Variants in GPC5 observed in about 807,000 individuals in gnomAD.
The protein encoded by GPC5 is glypican-5.
GPC5 carries 47 observed loss-of-function variants against 53.9 expected under a neutral mutation model. That is an observed-to-expected ratio of 0.87 (90% confidence interval 0.69 to 1.11). The LOEUF (loss-of-function observed/expected upper bound fraction) is 1.11, where lower values mean the gene tolerates loss of function less well. Among genes scored for constraint, GPC5 ranks in the 50% most tolerant of loss-of-function variants. The probability of loss-of-function intolerance (pLI) is 0.00; values close to 1 mark genes in which losing one functional copy is unlikely to be tolerated. For missense variants in GPC5, 748 were observed against 713.1 expected, an observed-to-expected ratio of 1.05 and a Z score of -0.56; for synonymous variants, 286 against 263.3, an observed-to-expected ratio of 1.09 and a Z score of -0.84.
intron 5 of GPC5, among the ~76,000 whole-genome samples, chr13:91,873,498 A>G (rs542061332): frequency 6.6e-6 from 1 of 152,214 alleles, no homozygotes; most frequent in African/African-American, 2.4e-5. Context: ...ATGATAGTGA[A>G]TAAGTCTCAC....
chr13:92,752,023 C>T (rs1419396948), intron 7 of GPC5, among the ~76,000 whole-genome samples: 3 of 151,636 alleles, frequency 2.0e-5, no homozygotes, highest in African/African-American at 4.9e-5. Context: ...TTTTAATTTG[C>T]CACTTTGCTT....
chr13:91,588,438 A>T (rs183331110), intron 2 of GPC5, among the ~76,000 whole-genome samples: 1 of 152,122 alleles, frequency 6.6e-6, no homozygotes, highest in East Asian at 1.9e-4. Context: ...CTCATTTTGC[A>T]TTGCTGAGTA....
At chr13:91,512,444 C>T (rs1885282970) in intron 2 of GPC5, among the ~76,000 whole-genome samples, 1 of 152,222 alleles carries the variant, frequency 6.6e-6, no homozygotes, top group South Asian at 2.1e-4. Flanking sequence ...ATTTGTAGAG[C>T]AGCTCCTGTG....
chr13:91,725,437 T>C (rs544031920), intron 3 of GPC5, among the ~76,000 whole-genome samples: 1 of 152,320 alleles, frequency 6.6e-6, no homozygotes, highest in South Asian at 2.1e-4. Flanking sequence ...TCTAGGGAGC[T>C]GAGGTGACAG....
chr13:92,724,379 T>C lies in GPC5; in HGVS notation c.1562-141903T>C, dbSNP rs116116182. Among the ~76,000 whole-genome samples the C allele has an allele frequency of 8.8e-3, 1,334 of 151,778 alleles. 20 individuals carry two copies. Among genetic ancestry groups the C allele is most frequent in the African/African-American group, 0.03 (1,266 of 41,516 alleles). On this transcript the variant is annotated intron_variant, in intron 7 of 7. Coordinates refer to ENST00000377067, the MANE Select transcript of GPC5 (RefSeq NM_004466.6). The stretch of plus-strand genomic sequence containing the variant: ...CCTTCTTTATCATGTTAGAACATTA[T>C]ACTTTCCATACATGTTAGAATGCAT...
At chr13:92,319,328 C>T (rs1047123048) in intron 7 of GPC5, among the ~76,000 whole-genome samples, 3 of 147,766 alleles carry the variant, frequency 2.0e-5, no homozygotes, top group Non-Finnish European at 3.0e-5. Context: ...CCTATAAAAA[C>T]ATCAGGAATC....
chr13:91,905,287 TTCTC>T (rs1057316318), intron 5 of GPC5, among the ~76,000 whole-genome samples: 71 of 151,908 alleles, frequency 4.7e-4, no homozygotes, highest in African/African-American at 1.5e-3. Flanking sequence ...GTTACTCTCT[TTCTC>T]TCTCTATCTC....
intron 7 of GPC5, among the ~76,000 whole-genome samples, chr13:92,381,902 T>TATATATC (rs1413329412): frequency 7.4e-6 from 1 of 135,808 alleles, no homozygotes; most frequent in Non-Finnish European, 1.6e-5. Flanking sequence ...TATATAATCA[T>TATATATC]ATATATGATA....
At chr13:92,346,924 A>C (rs553879919) in intron 7 of GPC5, among the ~76,000 whole-genome samples, 3 of 152,302 alleles carry the variant, frequency 2.0e-5, no homozygotes, top group African/African-American at 7.2e-5. Flanking sequence ...GATTCAACAG[A>C]AGATGTGATT....
intron 7 of GPC5, among the ~76,000 whole-genome samples, chr13:92,559,661 A>C (rs148827911): frequency 3.3e-5 from 5 of 151,632 alleles, no homozygotes; most frequent in African/African-American, 1.2e-4. Flanking sequence ...CATTATTCAA[A>C]CTAGCTAGTC....
At chr13:91,817,626 T>C (rs1238200167) in intron 5 of GPC5, among the ~76,000 whole-genome samples, 2 of 152,092 alleles carry the variant, frequency 1.3e-5, no homozygotes, top group Non-Finnish European at 2.9e-5. Context: ...AACTGATGGG[T>C]TCTATAATAA....
chr13:92,637,067 A>ACT (rs1885431293), intron 7 of GPC5, among the ~76,000 whole-genome samples: 1 of 151,526 alleles, frequency 6.6e-6, no homozygotes. Flanking sequence ...CCACCTCCCC[A>ACT]CTCTCACTGT....
intron 2 of GPC5, among the ~76,000 whole-genome samples, chr13:91,454,592 T>C (rs1284361815): frequency 6.6e-6 from 1 of 152,082 alleles, no homozygotes. Context: ...TTGTTTTTAA[T>C]TTTTGAAACT....
intron 5 of GPC5, among the ~76,000 whole-genome samples, chr13:91,786,480 A>G (rs1051588553): frequency 1.3e-5 from 2 of 151,954 alleles, no homozygotes; most frequent in Non-Finnish European, 1.5e-5. Context: ...TTTATTTTTT[A>G]AAAAGGGGTT....
chr13:91,460,250 A>C (rs1881846256), intron 2 of GPC5, among the ~76,000 whole-genome samples: 1 of 152,012 alleles, frequency 6.6e-6, no homozygotes, highest in African/African-American at 2.4e-5. Context: ...TCTTTTAACC[A>C]AACAATATTA....
intron 6 of GPC5, among the ~76,000 whole-genome samples, chr13:92,009,253 C>CATGTGTGTGTGT (rs142728294): frequency 4.3e-5 from 6 of 139,742 alleles, no homozygotes; most frequent in Non-Finnish European, 9.2e-5. Context: ...GCTGGATTTT[C>CATGTGTGTGTGT]GTGTGTGTGT....
intron 5 of GPC5, among the ~76,000 whole-genome samples, chr13:91,799,973 A>T (rs1463934674): frequency 6.6e-6 from 1 of 152,130 alleles, no homozygotes; most frequent in East Asian, 1.9e-4. Context: ...CATATTTTTC[A>T]TTAGTATTAA....
At chr13:91,724,576 C>T (rs893743647) in intron 3 of GPC5, among the ~76,000 whole-genome samples, 1 of 151,948 alleles carries the variant, frequency 6.6e-6, no homozygotes, top group Admixed American at 6.6e-5. Context: ...GGGGTAGGCA[C>T]GGTGTCTCAT....
At chr13:92,483,542 G>A (rs1396302827) in intron 7 of GPC5, among the ~76,000 whole-genome samples, 1 of 152,162 alleles carries the variant, frequency 6.6e-6, no homozygotes, top group Admixed American at 6.5e-5. Context: ...GTGAGTGAAT[G>A]TGAAGGCCGA....
Sources: allele counts gnomAD v4.1 joint callset (sites outside exome capture counted in the v4.1 genomes callset), GRCh38; gene constraint gnomAD v4.1.1; transcripts MANE v1.5; gene names NCBI Gene and HGNC (gene_info 2026-07-23, HGNC 2026-07-21).